ARHGAP18: variants seen among roughly 807,000 people sequenced by gnomAD.
ARHGAP18 encodes the protein rho GTPase-activating protein 18.
A neutral mutation model predicts 86.2 loss-of-function variants in ARHGAP18; 67 were observed. That is an observed-to-expected ratio of 0.78 (90% CI 0.64 to 0.95). The LOEUF is 0.95. Among genes scored for constraint, ARHGAP18 ranks in the 40% least tolerant of loss-of-function variants. The pLI is 0.00. For synonymous variants in ARHGAP18, 283 were observed against 280.4 expected (o/e 1.01, Z -0.09); for missense variants, 691 against 780.4 (o/e 0.89, Z 1.37).
chr6:129,682,922 T>C lies in ARHGAP18; in HGVS notation c.113+27102A>G, dbSNP rs73592499. Among the ~76,000 whole-genome samples the C allele has an allele frequency of 9.7e-3, 1,476 of 152,336 alleles. 22 individuals are homozygous for C. The highest frequency in any genetic ancestry group is 0.033 in the African/African-American group (1,377 of 41,558). On this transcript the variant is annotated intron_variant, in intron 1 of 14. Transcript: ENST00000368149. ...TTAATCAAAAGACATAGCTTGATAA[T>C]ATTACTATATTCTATTGATTGTTCT...
At chr6:129,597,580 C>G (rs1391118607) in intron 12 of ARHGAP18, among the ~76,000 whole-genome samples, 2 of 152,112 alleles carry the variant, frequency 1.3e-5, no homozygotes, top group East Asian at 3.9e-4. Flanking sequence ...TACCTCTGAG[C>G]TACATCCCTT....
chr6:129,630,635 C>A (rs552154577), intron 4 of ARHGAP18, among the ~76,000 whole-genome samples: 70 of 152,014 alleles, frequency 4.6e-4, no homozygotes, highest in Non-Finnish European at 9.0e-4. Flanking sequence ...AATGAAAATG[C>A]CTGTTTTAAT....
In ARHGAP18 at chr6:129,580,138, G is replaced by C; in HGVS notation, c.1839-7C>G. On this transcript the variant is annotated splice_region_variant and splice_polypyrimidine_tract_variant and intron_variant, in intron 13 of 14. Coordinates refer to ENST00000368149, the MANE Select transcript of ARHGAP18 (RefSeq NM_033515.3). ...GAGAGTCTGGGCAACCCCACTATGA[G>C]GGACAAAACAAACCGATTAGTTGTA... is the stretch of plus-strand genomic sequence containing the variant. The C allele has an allele frequency of 6.2e-7, 1 of 1,612,370 alleles. No individual in the cohort carries two copies. The highest frequency in any genetic ancestry group is 8.5e-7 in the Non-Finnish European group (1 of 1,178,830).
At chr6:129,600,957 G>A in intron 10 of ARHGAP18, 109 bp from the exon 11 acceptor site, 1 of 925,682 alleles carries the variant, frequency 1.1e-6, no homozygotes, top group Non-Finnish European at 1.6e-6. Flanking sequence ...TTGTGTATAA[G>A]CACAGTCAAC....
At chr6:129,699,471 G>A (rs1774676499) in intron 1 of ARHGAP18, among the ~76,000 whole-genome samples, 1 of 152,188 alleles carries the variant, frequency 6.6e-6, no homozygotes, top group Admixed American at 6.5e-5. Context: ...CAACTTAGTT[G>A]AAGATTTTAT....
At chr6:129,581,364 T>G (rs1298594216) in intron 13 of ARHGAP18, among the ~76,000 whole-genome samples, 1 of 152,220 alleles carries the variant, frequency 6.6e-6, no homozygotes, top group Non-Finnish European at 1.5e-5. Context: ...CCACTTTGTT[T>G]CCAACTACAG....
chr6:129,598,627 T>C (rs930301792), intron 12 of ARHGAP18, among the ~76,000 whole-genome samples: 1 of 152,226 alleles, frequency 6.6e-6, no homozygotes, highest in African/African-American at 2.4e-5. Context: ...CAGTAGTTTA[T>C]AAATACAGAT....
intron 1 of ARHGAP18, among the ~76,000 whole-genome samples, chr6:129,654,299 C>A (rs1165776809): frequency 6.6e-6 from 1 of 152,142 alleles, no homozygotes; most frequent in Non-Finnish European, 1.5e-5. Context: ...TCATCTAGCA[C>A]AATATGGGCA....
chr6:129,617,741 A>T (rs1032262186), intron 6 of ARHGAP18, among the ~76,000 whole-genome samples: 1 of 152,190 alleles, frequency 6.6e-6, no homozygotes, highest in Non-Finnish European at 1.5e-5. Context: ...TGTGTAAGCT[A>T]AAATACTCAA....
chr6:129,632,016 C>T (rs942049951), intron 4 of ARHGAP18, among the ~76,000 whole-genome samples: 10 of 152,180 alleles, frequency 6.6e-5, no homozygotes, highest in East Asian at 1.9e-4. Flanking sequence ...GTATCATTGG[C>T]GGAACATGTT....
intron 12 of ARHGAP18, among the ~76,000 whole-genome samples, chr6:129,598,153 C>T (rs1370405794): frequency 6.6e-6 from 1 of 151,452 alleles, no homozygotes; most frequent in Admixed American, 6.6e-5. Context: ...CTAAAGTTAA[C>T]CAAATGCCAA....
chr6:129,596,517 T>C (rs1584031366), intron 12 of ARHGAP18, among the ~76,000 whole-genome samples: 1 of 152,328 alleles, frequency 6.6e-6, no homozygotes, highest in East Asian at 1.9e-4. Context: ...TAACACATTA[T>C]ATGAATTACT....
intron 7 of ARHGAP18, among the ~76,000 whole-genome samples, chr6:129,613,194 G>C (rs13204410): frequency 0.14 from 20,635 of 146,694 alleles, 1,550 homozygotes; most frequent in Middle Eastern, 0.2. Flanking sequence ...GATCGCAACA[G>C]TGCACTCCAG....
chr6:129,642,566 G>A (rs1279487446), intron 1 of ARHGAP18, among the ~76,000 whole-genome samples: 1 of 151,958 alleles, frequency 6.6e-6, no homozygotes, highest in Non-Finnish European at 1.5e-5. Context: ...AAAGCACTGA[G>A]ATTAAAGGCA....
intron 12 of ARHGAP18, among the ~76,000 whole-genome samples, chr6:129,586,109 C>A (rs1395724087): frequency 6.6e-6 from 1 of 152,168 alleles, no homozygotes; most frequent in South Asian, 2.1e-4. Flanking sequence ...GTGTAACATA[C>A]AACTCAGTGA....
intron 1 of ARHGAP18, among the ~76,000 whole-genome samples, chr6:129,672,095 G>GCA (rs1339295002): frequency 1.3e-4 from 20 of 151,996 alleles, no homozygotes; most frequent in African/African-American, 4.6e-4. Context: ...ACACGTACAC[G>GCA]CGCACACACA....
chr6:129,600,329 C>G (rs1455678672), intron 11 of ARHGAP18, among the ~76,000 whole-genome samples: 1 of 151,998 alleles, frequency 6.6e-6, no homozygotes, highest in African/African-American at 2.4e-5. Flanking sequence ...TGCATGCATC[C>G]CTTTCAATAA....
At chr6:129,701,961 A>G (rs1041128967) in intron 1 of ARHGAP18, among the ~76,000 whole-genome samples, 1 of 152,160 alleles carries the variant, frequency 6.6e-6, no homozygotes, top group African/African-American at 2.4e-5. Context: ...GAGAACAGAA[A>G]TGCCATGAGT....
intron 1 of ARHGAP18, among the ~76,000 whole-genome samples, chr6:129,653,817 T>A (rs542107697): frequency 1.5e-4 from 21 of 138,518 alleles, no homozygotes; most frequent in African/African-American, 5.7e-4. Context: ...AACCTTAACA[T>A]TTGAAGAAAA....
Sources: allele counts gnomAD v4.1 joint callset (sites outside exome capture counted in the v4.1 genomes callset), GRCh38; gene constraint gnomAD v4.1.1; transcripts MANE v1.5; gene names NCBI Gene and HGNC (gene_info 2026-07-23, HGNC 2026-07-21).